The following CGNL1 variants were observed in gnomAD, a reference collection of about 807,000 sequenced individuals.
The protein encoded by CGNL1 is cingulin like 1, also known as cingulin-like protein 1.
A neutral mutation model predicts 141.2 loss-of-function variants in CGNL1; 132 were observed. The ratio of observed to expected loss-of-function variants is 0.93; its 90% CI spans 0.81 to 1.08. CGNL1 has a LOEUF of 1.08. Among genes scored for constraint, CGNL1 ranks in the 50% least tolerant of loss-of-function variants. CGNL1 has a pLI of 0.00. For synonymous variants in CGNL1, 690 were observed against 622.1 expected (o/e 1.11, Z -1.63); for missense variants, 1,870 against 1,588.6 (o/e 1.18, Z -3.01).
intron 1 of CGNL1, 27 bp from the exon 2 acceptor site, chr15:57,437,958 T>C: frequency 6.4e-7 from 1 of 1,565,276 alleles, no homozygotes; most frequent in Non-Finnish European, 8.6e-7. Context: ...CCTAATGTCC[T>C]CTTTTTACCC....
intron 1 of CGNL1, among the ~76,000 whole-genome samples, chr15:57,424,619 A>G (rs768290353): frequency 5.3e-5 from 8 of 152,184 alleles, no homozygotes; most frequent in Non-Finnish European, 1.0e-4. Flanking sequence ...TGGTTTGGGT[A>G]TCGGGTTATA....
At chr15:57,443,390 A>T (rs1402227429) in intron 4 of CGNL1, among the ~76,000 whole-genome samples, 3 of 152,070 alleles carry the variant, frequency 2.0e-5, no homozygotes, top group African/African-American at 4.8e-5. Context: ...CTTGTGTGGA[A>T]CTCATTTCTT....
chr15:57,486,052 G>C (rs2063781082), intron 8 of CGNL1, among the ~76,000 whole-genome samples: 1 of 152,198 alleles, frequency 6.6e-6, no homozygotes, highest in African/African-American at 2.4e-5. Context: ...TCTGGAATCA[G>C]AAGTGAGGGT....
chr15:57,423,004 G>A (rs1307758204), intron 1 of CGNL1, among the ~76,000 whole-genome samples: 1 of 152,136 alleles, frequency 6.6e-6, no homozygotes, highest in South Asian at 2.1e-4. Context: ...GGGGGTAGAA[G>A]GTAGGCATGA....
intron 6 of CGNL1, among the ~76,000 whole-genome samples, chr15:57,453,456 G>A (rs530370307): frequency 6.6e-6 from 1 of 152,278 alleles, no homozygotes; most frequent in Admixed American, 6.5e-5. Context: ...TACCCACTTT[G>A]TTGGTTTGAG....
At chr15:57,537,525 G>A (rs2140211042) in intron 14 of CGNL1, among the ~76,000 whole-genome samples, 1 of 152,122 alleles carries the variant, frequency 6.6e-6, no homozygotes, top group African/African-American at 2.4e-5. Flanking sequence ...GTGTACAGTT[G>A]ATTAATAACA....
chr15:57,463,250 CT>C (rs2152334833), intron 8 of CGNL1, among the ~76,000 whole-genome samples: 1 of 152,214 alleles, frequency 6.6e-6, no homozygotes, highest in South Asian at 2.1e-4. Context: ...TTATTGGAAG[CT>C]TCCAGGTTCT....
chr15:57,438,876 T>C lies in CGNL1; in HGVS notation c.877T>C (p.Ser293Pro). The C allele has an allele frequency of 6.2e-7, 1 of 1,614,156 alleles. No homozygotes were observed. Among genetic ancestry groups the C allele is most frequent in the East Asian group, 2.2e-5 (1 of 44,876 alleles). Reference protein sequence around the residue: ...SAGPVLDGARSRRSSSSSTTP... With the variant: ...SAGPVLDGARPRRSSSSSTTP... ...GGGACCCGTCCTGGATGGAGCTCGGTCCCGGAGGTCCTCCTCGTCATCCAC... is the reference window on the plus strand; with the variant it reads ...GGGACCCGTCCTGGATGGAGCTCGGCCCCGGAGGTCCTCCTCGTCATCCAC... The change falls in exon 2 of 19, where the codon TCC (serine) becomes CCC (proline). Residue 293 changes from serine (S) to proline (P), a missense_variant. Coordinates refer to ENST00000281282, the MANE Select transcript of CGNL1 (RefSeq NM_032866.5).
chr15:57,523,435 C>A, intron 10 of CGNL1, 54 bp from the exon 11 acceptor site: 1 of 1,582,148 alleles, frequency 6.3e-7, no homozygotes. Flanking sequence ...CCACCCGTTC[C>A]TGTGGCTACC....
intron 1 of CGNL1, among the ~76,000 whole-genome samples, chr15:57,401,576 C>T (rs1273117156): frequency 1.3e-5 from 2 of 152,182 alleles, no homozygotes; most frequent in South Asian, 4.1e-4. Flanking sequence ...TTATTCAAAA[C>T]AGCTTCAACC....
In CGNL1 at chr15:57,439,301, C is replaced by T. The variant is rs1382452667; in HGVS notation, c.1302C>T (p.Arg434=). 1 of 1,613,970 alleles carries T rather than the reference C, an allele frequency of 6.2e-7. No homozygotes were observed. The highest frequency in any genetic ancestry group is 1.3e-5 in the African/African-American group (1 of 74,934). ...VCPQRPLSQE[R]RGKQSVGRTF... ...CGCAGCGGCCACTGTCTCAGGAGCG[C>T]CGTGGGAAACAGAGCGTGGGCCGCA... is the stretch of plus-strand genomic sequence containing the variant. The change falls in exon 2 of 19, where the codon CGC becomes CGT. Residue 434 remains arginine (R), a synonymous_variant. Coordinates refer to ENST00000281282, the MANE Select transcript of CGNL1 (RefSeq NM_032866.5).
rs753923302 is a variant in CGNL1 at position 57,518,407 on chromosome 15, G to C, written c.2625G>C (p.Gln875His). The change falls in exon 10 of 19, where the codon CAG (glutamine) becomes CAC (histidine). Residue 875 changes from glutamine to histidine, a missense_variant. By Grantham distance (24) the Gln-to-His change is conservative (BLOSUM62 0). Transcript: ENST00000281282. ...TTTCATTGTAGGGAGAAATACGACAGTTAGAGGAGGCCCTTGTGCACGCCA... is the reference window on the plus strand; with the variant it reads ...TTTCATTGTAGGGAGAAATACGACACTTAGAGGAGGCCCTTGTGCACGCCA... ...TLKKYEGEIR[Q>H]LEEALVHARK... is the part of the protein sequence containing the mutation. The C allele has an allele frequency of 2.5e-6, 4 of 1,612,982 alleles. No homozygotes were observed. The highest frequency in any genetic ancestry group is 3.4e-6 in the Non-Finnish European group (4 of 1,179,452).
intron 1 of CGNL1, among the ~76,000 whole-genome samples, chr15:57,406,582 C>T (rs2062725586): frequency 6.6e-6 from 1 of 152,142 alleles, no homozygotes; most frequent in African/African-American, 2.4e-5. Flanking sequence ...GGCATGGTAA[C>T]ATGGGTAAGT....
At chr15:57,487,660 T>C (rs1290740956) in intron 8 of CGNL1, among the ~76,000 whole-genome samples, 1 of 152,214 alleles carries the variant, frequency 6.6e-6, no homozygotes, top group East Asian at 1.9e-4. Context: ...TGATTAGAAT[T>C]GTGATGAGTT....
chr15:57,505,554 A>G (rs1324292049), intron 8 of CGNL1, among the ~76,000 whole-genome samples: 1 of 152,166 alleles, frequency 6.6e-6, no homozygotes, highest in African/African-American at 2.4e-5. Context: ...CTCAGGGAAC[A>G]GCCTACTACT....
At chr15:57,457,641 C>T (rs1274052548) in intron 7 of CGNL1, among the ~76,000 whole-genome samples, 2 of 152,152 alleles carry the variant, frequency 1.3e-5, no homozygotes, top group African/African-American at 2.4e-5. Flanking sequence ...TGAAAGGCAC[C>T]TCTCACATGG....
At chr15:57,432,837 G>T (rs1393671494) in intron 1 of CGNL1, among the ~76,000 whole-genome samples, 1 of 152,196 alleles carries the variant, frequency 6.6e-6, no homozygotes, top group African/African-American at 2.4e-5. Flanking sequence ...GTAAATTGTG[G>T]ATGTTTCATG....
At chr15:57,425,706 A>G (rs1456274530) in intron 1 of CGNL1, among the ~76,000 whole-genome samples, 1 of 146,582 alleles carries the variant, frequency 6.8e-6, no homozygotes, top group Non-Finnish European at 1.5e-5. Context: ...GTGCCACTGC[A>G]CTCTAGCCTG....
intron 8 of CGNL1, among the ~76,000 whole-genome samples, chr15:57,464,294 G>A (rs2063482437): frequency 6.6e-6 from 1 of 152,130 alleles, no homozygotes; most frequent in African/African-American, 2.4e-5. Context: ...CATGTTGCTA[G>A]ATCTTTCATT....
Sources: allele counts gnomAD v4.1 joint callset (sites outside exome capture counted in the v4.1 genomes callset), GRCh38; gene constraint gnomAD v4.1.1; transcripts MANE v1.5; gene names NCBI Gene and HGNC (gene_info 2026-07-23, HGNC 2026-07-21).